Variants in TAFA5 observed in about 807,000 individuals in gnomAD.
TAFA5 encodes the protein chemokine-like protein TAFA-5.
Under a neutral mutation model 15.3 loss-of-function variants are expected in TAFA5, and 6 were observed. That is an observed-to-expected ratio of 0.39 (90% CI 0.21 to 0.77). The LOEUF (loss-of-function observed/expected upper bound fraction) is 0.77, where lower values mean the gene tolerates loss of function less well. TAFA5 is among the 30% of genes least tolerant of loss of function. The pLI, the probability that TAFA5 is intolerant of heterozygous loss-of-function variation, is 0.41. For missense variants in TAFA5, 161 were observed against 193.1 expected, an observed-to-expected ratio of 0.83 and a Z score of 0.98; for synonymous variants, 103 against 80.7, an observed-to-expected ratio of 1.28 and a Z score of -1.48.
chr22:48,702,989 G>T (rs1222974839), intron 2 of TAFA5, among the ~76,000 whole-genome samples: 1 of 152,256 alleles, frequency 6.6e-6, no homozygotes, highest in Non-Finnish European at 1.5e-5. Context: ...TTGTCCCTTT[G>T]TTCTGCAAAT....
chr22:48,721,394 C>T (rs1283576992), intron 3 of TAFA5, among the ~76,000 whole-genome samples: 4 of 152,224 alleles, frequency 2.6e-5, no homozygotes, highest in Non-Finnish European at 5.9e-5. Flanking sequence ...CTGTTTCAAG[C>T]CCGTCCACTG....
At chr22:48,652,020 G>A (rs1349514554) in intron 2 of TAFA5, among the ~76,000 whole-genome samples, 1 of 152,196 alleles carries the variant, frequency 6.6e-6, no homozygotes, top group African/African-American at 2.4e-5. Context: ...ATCATGCCTA[G>A]CTGCTCATGA....
intron 2 of TAFA5, among the ~76,000 whole-genome samples, chr22:48,671,158 G>A (rs115559125): frequency 0.014 from 2,089 of 152,196 alleles, 40 homozygotes; most frequent in African/African-American, 0.048. Flanking sequence ...TGTGCCCTCC[G>A]TGTCCTTAGC....
intron 1 of TAFA5, among the ~76,000 whole-genome samples, chr22:48,536,971 C>G (rs951318563): frequency 1.3e-5 from 2 of 152,208 alleles, no homozygotes; most frequent in African/African-American, 2.4e-5. Context: ...GGAGCAGGAC[C>G]TGGGACGGGG....
chr22:48,591,534 T>A (rs2147157232), intron 1 of TAFA5, among the ~76,000 whole-genome samples: 1 of 152,378 alleles, frequency 6.6e-6, no homozygotes, highest in African/African-American at 2.4e-5. Context: ...AGGCCTCGCA[T>A]TGGACAGAGT....
At chr22:48,721,333 C>T (rs145087549) in intron 3 of TAFA5, among the ~76,000 whole-genome samples, 12 of 152,308 alleles carry the variant, frequency 7.9e-5, no homozygotes, top group Admixed American at 2.6e-4. Flanking sequence ...GCCTTCGTCC[C>T]GCCCGCTGCG....
Position 48,633,119 on chromosome 22 carries a change from G to A in TAFA5, c.113-13478G>A, listed in dbSNP as rs1158822090. On this transcript the variant is annotated intron_variant, in intron 1 of 3. Transcript: ENST00000402357. ...GGCTGGACCACAGGGTCTCCCAGCA[G>A]CCCGAAGAGCCAGGCCGCCCCCACT... Among the ~76,000 whole-genome samples the A allele has an allele frequency of 3.3e-5, 5 of 152,290 alleles. No homozygotes were observed. The East Asian group carries it at 9.7e-4, about 30-fold the overall frequency.
intron 3 of TAFA5, among the ~76,000 whole-genome samples, chr22:48,712,347 G>C (rs927405917): frequency 5.9e-5 from 9 of 152,198 alleles, no homozygotes; most frequent in African/African-American, 2.2e-4. Context: ...GTGAGCCACC[G>C]TGCCGGCCCA....
At chr22:48,619,950 G>A (rs28617171) in intron 1 of TAFA5, among the ~76,000 whole-genome samples, 106,101 of 152,170 alleles carry the variant, frequency 0.7, 39,236 homozygotes, top group East Asian at 0.94. Context: ...TGGGGGCGTC[G>A]GCCCTCCTCC....
chr22:48,565,026 A>T (rs944341720), intron 1 of TAFA5, among the ~76,000 whole-genome samples: 3 of 152,202 alleles, frequency 2.0e-5, no homozygotes, highest in Admixed American at 1.3e-4. Context: ...TGTGCTCTGC[A>T]CTCTGCCTTC....
rs1460324240 is a variant in TAFA5, at chr22:48,567,980, G to A, written c.112+78276G>A. ...GACCAGTGAAGAGCATGGATCCACCGTGGGCAGCGTCTGTGCCAGCTGGGG... is the reference window on the plus strand; with the variant it reads ...GACCAGTGAAGAGCATGGATCCACCATGGGCAGCGTCTGTGCCAGCTGGGG... On this transcript the variant is annotated intron_variant, in intron 1 of 3. Transcript: ENST00000402357. Among the ~76,000 whole-genome samples, 5 of 152,356 alleles carry A rather than the reference G, an allele frequency of 3.3e-5. No homozygotes were observed. The South Asian group carries it at 8.3e-4, about 25-fold the overall frequency.
chr22:48,636,684 G>A (rs1926463339), intron 1 of TAFA5, among the ~76,000 whole-genome samples: 1 of 145,180 alleles, frequency 6.9e-6, no homozygotes, highest in African/African-American at 2.6e-5. Flanking sequence ...CTTGTGGCAG[G>A]TCCCTGCTGC....
At chr22:48,581,871 G>A (rs1272837552) in intron 1 of TAFA5, among the ~76,000 whole-genome samples, 1 of 152,138 alleles carries the variant, frequency 6.6e-6, no homozygotes, top group African/African-American at 2.4e-5. Context: ...CCTGGAGAGG[G>A]GAGGGAGGCA....
At chr22:48,650,682 G>A (rs1927022297) in intron 2 of TAFA5, among the ~76,000 whole-genome samples, 3 of 152,178 alleles carry the variant, frequency 2.0e-5, no homozygotes, top group South Asian at 4.1e-4. Context: ...GGGCAGGGCT[G>A]TGAGCCTGTG....
At chr22:48,676,555 C>T (rs1298822513) in intron 2 of TAFA5, among the ~76,000 whole-genome samples, 1 of 152,238 alleles carries the variant, frequency 6.6e-6, no homozygotes, top group Non-Finnish European at 1.5e-5. Context: ...CTCCCACTCT[C>T]CAAGCCTGTG....
chr22:48,522,213 C>T (rs1009958009), intron 1 of TAFA5, among the ~76,000 whole-genome samples: 2 of 151,932 alleles, frequency 1.3e-5, no homozygotes, highest in Non-Finnish European at 2.9e-5. Flanking sequence ...CCACCCCTCC[C>T]TCTGTCCCCT....
At chr22:48,573,899 A>G (rs1923670307) in intron 1 of TAFA5, among the ~76,000 whole-genome samples, 1 of 152,122 alleles carries the variant, frequency 6.6e-6, no homozygotes. Flanking sequence ...CTCTCTCCTG[A>G]TTGAGGTCCC....
chr22:48,654,885 T>C (rs2147208926), intron 2 of TAFA5, among the ~76,000 whole-genome samples: 1 of 151,906 alleles, frequency 6.6e-6, no homozygotes, highest in Admixed American at 6.6e-5. Flanking sequence ...AACCTCCTTA[T>C]CCCCACAGTC....
At chr22:48,604,537 C>G (rs1046619505) in intron 1 of TAFA5, among the ~76,000 whole-genome samples, 1 of 152,238 alleles carries the variant, frequency 6.6e-6, no homozygotes, top group Admixed American at 6.5e-5. Flanking sequence ...AGGGAGTGCT[C>G]AAGCTTGGGA....
Sources: gnomAD v4.1 joint callset for allele counts (sites outside exome capture counted in the v4.1 genomes callset) on GRCh38, gnomAD v4.1.1 for gene constraint, MANE v1.5 for transcripts, NCBI Gene and HGNC (gene_info 2026-07-23, HGNC 2026-07-21) for gene names.